The following CENPE variants were observed in gnomAD, a reference collection of about 807,000 sequenced individuals.
CENPE encodes the protein centromere-associated protein E.
CENPE carries 145 observed loss-of-function variants against 336.1 expected under a neutral mutation model. The ratio of observed to expected loss-of-function variants is 0.43; its 90% CI spans 0.38 to 0.50. The LOEUF (loss-of-function observed/expected upper bound fraction) is 0.50, where lower values mean the gene tolerates loss of function less well. Among genes scored for constraint, CENPE ranks in the 20% least tolerant of loss-of-function variants. The probability of loss-of-function intolerance (pLI) is 0.00; values close to 1 mark genes in which losing one functional copy is unlikely to be tolerated. For missense variants in CENPE, 2,719 were observed against 3,023.3 expected (o/e 0.90, Z 2.36); for synonymous variants, 1,013 against 984.8 (o/e 1.03, Z -0.54).
chr4:103,153,993 TA>T (rs1753768052), intron 24 of CENPE, among the ~76,000 whole-genome samples: 1 of 152,204 alleles, frequency 6.6e-6, no homozygotes, highest in South Asian at 2.1e-4. Context: ...CATTTATTCA[TA>T]AATAAGTCAC....
chr4:103,179,407 T>G (rs932264144), intron 13 of CENPE, among the ~76,000 whole-genome samples: 1 of 152,234 alleles, frequency 6.6e-6, no homozygotes, highest in African/African-American at 2.4e-5. Flanking sequence ...GTGCAAGGAA[T>G]GCATAATGTT....
chr4:103,155,732 TAA>T (rs34821858), intron 24 of CENPE, among the ~76,000 whole-genome samples: 1 of 150,924 alleles, frequency 6.6e-6, no homozygotes, highest in African/African-American at 2.4e-5. Flanking sequence ...GAGATGGAAA[TAA>T]AAAAAAAGTT....
intron 9 of CENPE, 49 bp downstream of exon 9, chr4:103,185,761 G>A: frequency 2.2e-6 from 3 of 1,341,134 alleles, no homozygotes; most frequent in Middle Eastern, 3.9e-4. Context: ...TTTTAAACCT[G>A]TAAAATAGGA....
At chr4:103,118,600 G>A (rs1182406683) in intron 44 of CENPE, among the ~76,000 whole-genome samples, 4 of 151,976 alleles carry the variant, frequency 2.6e-5, no homozygotes, top group Non-Finnish European at 4.4e-5. Flanking sequence ...TTAAAAAATC[G>A]CCAAACCCAA....
In CENPE at chr4:103,144,357, C is replaced by T. The variant is rs749297644; in HGVS notation, c.5119G>A (p.Glu1707Lys). 1.2e-6 allele frequency: 2 copies of T among 1,609,928 alleles called. No homozygotes were observed. The highest frequency in any genetic ancestry group is 1.7e-6 in the Non-Finnish European group (2 of 1,178,944). Residue 1707 changes from glutamate (E) to lysine (K), a missense_variant, in exon 33 of 49, where the codon GAA becomes AAA. By Grantham distance (56) the Glu-to-Lys change is moderately conservative (BLOSUM62 1). This residue lies in a region of CENPE where 2,437 missense variants were observed against 2,513.3 expected (regional missense o/e 0.97). Transcript: ENST00000265148. ...TLKVERDQLK[E>K]NLRETITRDL... ...CTAGTTATAGTTTCTCTAAGGTTTT[C>T]CTTGAGCTGGTCTCTCTCTACTTTG...
intron 47 of CENPE, among the ~76,000 whole-genome samples, chr4:103,109,914 C>T (rs1749239437): frequency 6.6e-6 from 1 of 152,108 alleles, no homozygotes; most frequent in South Asian, 2.1e-4. Flanking sequence ...TTACCTCTGG[C>T]ACCTTGTCTT....
intron 8 of CENPE, among the ~76,000 whole-genome samples, chr4:103,190,582 C>A (rs1468259607): frequency 6.6e-6 from 1 of 152,084 alleles, no homozygotes; most frequent in Non-Finnish European, 1.5e-5. Flanking sequence ...GGAAAACTGG[C>A]TAGCCATATG....
chr4:103,123,898 G>A (rs1750866225), intron 42 of CENPE, among the ~76,000 whole-genome samples: 1 of 152,112 alleles, frequency 6.6e-6, no homozygotes, highest in Non-Finnish European at 1.5e-5. Flanking sequence ...AAAATGTCTA[G>A]GTCATTCATA....
rs1406251208 is a variant in CENPE at position 103,159,035 on chromosome 4, G to A, written c.2576C>T (p.Ser859Leu). ...NLSKEAQKFD[S>L]SLGALKTELS... is the part of the protein sequence containing the mutation. Reference sequence around the variant, plus strand: ...CTCGGTCTTCAAAGCACCCAAACTCGAATCAAATTTTTGGGCTTCTTTAGA... The same window carrying A: ...CTCGGTCTTCAAAGCACCCAAACTCAAATCAAATTTTTGGGCTTCTTTAGA... The change falls in exon 22 of 49, where the codon TCG (serine) becomes TTG (leucine). Residue 859 changes from serine (S) to leucine (L), a missense_variant. By Grantham distance (145) the Ser-to-Leu change is moderately radical. This residue lies in a region of CENPE where 2,437 missense variants were observed against 2,513.3 expected (regional missense o/e 0.97). Coordinates refer to ENST00000265148, the MANE Select transcript of CENPE (RefSeq NM_001813.3). 6.5e-6 allele frequency: 10 copies of A among 1,533,632 alleles called. No individual in the cohort carries two copies. Among genetic ancestry groups the A allele is most frequent in the African/African-American group, 5.6e-5 (4 of 71,776 alleles).
At chr4:103,145,376 TG>T in intron 31 of CENPE, 42 bp from the exon 32 acceptor site, 1 of 1,390,546 alleles carries the variant, frequency 7.2e-7, no homozygotes. Context: ...CATAAAAATA[TG>T]TAAACACACA....
chr4:103,189,000 G>A, intron 8 of CENPE, among the ~76,000 whole-genome samples: 1 of 152,142 alleles, frequency 6.6e-6, no homozygotes, highest in East Asian at 1.9e-4. Flanking sequence ...TACCATCAGA[G>A]AATACTATAA....
chr4:103,144,623 G>A lies in CENPE; in HGVS notation c.4858-5C>T. On this transcript the variant is annotated splice_polypyrimidine_tract_variant and splice_region_variant and intron_variant, in intron 32 of 48. Coordinates refer to ENST00000265148, the MANE Select transcript of CENPE (RefSeq NM_001813.3). ...TTTTTCTTGAGATTCTTTCATCTGA[G>A]AAAATTATAAAGTAAGTTACAACAT... The A allele has an allele frequency of 6.3e-7, 1 of 1,588,994 alleles. No individual in the cohort carries two copies. The highest frequency in any genetic ancestry group is 1.2e-5 in the South Asian group (1 of 86,926).
chr4:103,112,323 GTA>G (rs199568528), intron 46 of CENPE, among the ~76,000 whole-genome samples: 44 of 145,032 alleles, frequency 3.0e-4, no homozygotes, highest in Non-Finnish European at 4.5e-4. Context: ...ACTTATAAGT[GTA>G]TATATATATA....
chr4:103,160,242 ATCAGT>A (rs1754321838), intron 21 of CENPE, among the ~76,000 whole-genome samples: 1 of 151,934 alleles, frequency 6.6e-6, no homozygotes, highest in South Asian at 2.1e-4. Context: ...CTAAAACTTT[ATCAGT>A]GCAACCTCTT....
At position 103,145,811 on chromosome 4, in the gene CENPE, G is replaced by A. The variant is rs544486256; in HGVS notation, c.4413+18C>T. On this transcript the variant is annotated intron_variant, in intron 30 of 48. Transcript: ENST00000265148. ...TTACAAAATATTTTTTAAAAACATG[G>A]TGAAAGATGAAACCTACTTTAGCTA... 17 of 1,568,678 alleles carry A rather than the reference G, an allele frequency of 1.1e-5. No homozygotes were observed. Among genetic ancestry groups the A allele is most frequent in the African/African-American group, 5.5e-5 (4 of 72,546 alleles).
rs181704322 is a variant in CENPE at position 103,111,077 on chromosome 4, A to C, written c.7541-66T>G. 8 of 1,206,394 alleles carry C rather than the reference A, an allele frequency of 6.6e-6. No individual in the cohort carries two copies. The Admixed American group carries it at 1.9e-4, about 28-fold the overall frequency. 74.7% of individuals were successfully genotyped at this position (1,206,394 alleles called of 1,614,324 possible). A position where few individuals can be genotyped will look rare whatever the true frequency, so the allele number is the denominator to read the frequency against. On this transcript the variant is annotated intron_variant, in intron 46 of 48. Transcript: ENST00000265148. ...GTCTCCAAAGTTCAAAATAAAGGAA[A>C]TACTACCAAGTACAATAAGCCATTA...
At position 103,140,857 on chromosome 4, in the gene CENPE, T is replaced by C; in HGVS notation, c.5711A>G (p.Glu1904Gly). The C allele has an allele frequency of 6.2e-7, 1 of 1,606,030 alleles. No homozygotes were observed. The highest frequency in any genetic ancestry group is 8.5e-7 in the Non-Finnish European group (1 of 1,177,850). Residue 1904 changes from glutamate to glycine, a missense_variant, in exon 36 of 49, where the codon GAG becomes GGG. Coordinates refer to ENST00000265148, the MANE Select transcript of CENPE (RefSeq NM_001813.3). ...CAGGCTTTCCTTGAGTTGGTCTCTCTCCAGTTTGAGTGTCTCCTCTACTCT... is the reference window on the plus strand; with the variant it reads ...CAGGCTTTCCTTGAGTTGGTCTCTCCCCAGTTTGAGTGTCTCCTCTACTCT... ...LRRVEETLKL[E>G]RDQLKESLQE...
Position 103,176,995 on chromosome 4 carries a change from T to C in CENPE, c.1294A>G (p.Lys432Glu). 1 of 1,609,184 alleles carries C rather than the reference T, an allele frequency of 6.2e-7. No homozygotes were observed. The highest frequency in any genetic ancestry group is 2.2e-5 in the East Asian group (1 of 44,734). Residue 432 changes from lysine to glutamate, a missense_variant, in exon 14 of 49, where the codon AAG (lysine) becomes GAG (glutamate). Physicochemically the swap from Lys to Glu is moderately conservative, Grantham distance 56. Around this residue, in one of 5 missense-constraint regions of CENPE, gnomAD observed 2,437 missense variants for 2,513.3 expected, o/e 0.97. Coordinates refer to ENST00000265148, the MANE Select transcript of CENPE (RefSeq NM_001813.3). The part of the protein sequence containing the change: ...TWCLGKINKM[K>E]NSNYADQFNI... The stretch of plus-strand genomic sequence containing the variant: ...AATTGATCTGCATAGTTTGAGTTCT[T>C]CATTTTGTTAATTTTGCCAAGGCAC...
At position 103,110,916 on chromosome 4, in the gene CENPE, T is replaced by G; in HGVS notation, c.7636A>C (p.Lys2546Gln). The change falls in exon 47 of 49, where the codon AAA becomes CAA. Residue 2546 changes from lysine to glutamine, a missense_variant. Around this residue, in one of 5 missense-constraint regions of CENPE, gnomAD observed 2,437 missense variants for 2,513.3 expected, o/e 0.97. Transcript: ENST00000265148. Reference protein sequence around the residue: ...IVQNTKALILKSEHIRLEKEI... With the variant: ...IVQNTKALILQSEHIRLEKEI... ...TTTTCTAGCCTTATATGTTCACTTT[T>G]CAAAATAAGAGCTTTTGTGTTTTGT... The G allele has an allele frequency of 1.2e-6, 2 of 1,612,596 alleles. No individual in the cohort carries two copies. Among genetic ancestry groups the G allele is most frequent in the Non-Finnish European group, 1.7e-6 (2 of 1,179,340 alleles).
Sources: allele counts gnomAD v4.1 joint callset (sites outside exome capture counted in the v4.1 genomes callset), GRCh38; gene constraint gnomAD v4.1.1; regional missense constraint gnomAD v4.1.1; transcripts MANE v1.5; gene names NCBI Gene and HGNC (gene_info 2026-07-23, HGNC 2026-07-21).